RPS6KA6: variants seen among roughly 807,000 people sequenced by gnomAD.
RPS6KA6 encodes ribosomal protein S6 kinase alpha-6.
RPS6KA6 carries 27 observed loss-of-function variants against 65.4 expected under a neutral mutation model. The ratio of observed to expected loss-of-function variants is 0.41; its 90% CI spans 0.30 to 0.57. RPS6KA6 has a LOEUF of 0.57. Among genes scored for constraint, RPS6KA6 ranks in the 20% least tolerant of loss-of-function variants. RPS6KA6 has a pLI of 0.24. For synonymous variants in RPS6KA6, 190 were observed against 184.2 expected (o/e 1.03, Z -0.26); for missense variants, 486 against 555.6 (o/e 0.87, Z 1.26).
intron 21 of RPS6KA6, 95 bp downstream of exon 21, chrX:84,064,876 T>C: frequency 1.6e-6 from 1 of 620,138 alleles, no homozygotes; most frequent in South Asian, 4.4e-5. Context: ...TAAAGATATT[T>C]TAAGGAATTA....
At chrX:84,138,391 G>GA (rs199653951) in intron 6 of RPS6KA6, among the ~76,000 whole-genome samples, 5,428 of 103,602 alleles carry the variant, frequency 0.052, 199 homozygotes, top group East Asian at 0.2. Context: ...CATCTCTACT[G>GA]AAAAAAAAAA....
intron 8 of RPS6KA6, among the ~76,000 whole-genome samples, chrX:84,129,091 C>A (rs1421550862): frequency 9.0e-6 from 1 of 111,036 alleles, no homozygotes; most frequent in African/African-American, 3.3e-5. Context: ...TTGCAAACTG[C>A]CCATCTGACA....
At chrX:84,121,960 T>C (rs1317560567) in intron 8 of RPS6KA6, among the ~76,000 whole-genome samples, 1 of 111,884 alleles carries the variant, frequency 8.9e-6, no homozygotes, top group Non-Finnish European at 1.9e-5. Context: ...AAAAAGAAGC[T>C]ACAGGAGGAA....
Position 84,060,009 on chromosome X carries a change from A to G in RPS6KA6, c.*4268T>C, listed in dbSNP as rs1403332777. 3.6e-5 allele frequency: 4 copies of G among 111,970 alleles called. No homozygotes were observed. The highest frequency in any genetic ancestry group is 9.7e-5 in the African/African-American group (3 of 30,834). The allele number at this position is 111,970 out of a possible 1,213,427, so 9.2% of individuals were successfully genotyped here. A position where few individuals can be genotyped will look rare whatever the true frequency, so the allele number is the denominator to read the frequency against. On this transcript the variant is annotated 3_prime_UTR_variant, in exon 22 of 22. Coordinates refer to ENST00000262752, the MANE Select transcript of RPS6KA6 (RefSeq NM_014496.5). ...GTTCCCTTTTCTCTTATGTATTAGC[A>G]ACCAAACTGAATTTTAGGTGATCAA...
At chrX:84,158,473 C>T (rs984684381) in intron 2 of RPS6KA6, among the ~76,000 whole-genome samples, 1 of 110,575 alleles carries the variant, frequency 9.0e-6, no homozygotes, top group Non-Finnish European at 1.9e-5. Flanking sequence ...AATAAGGAAA[C>T]AGGAGATTCA....
At position 84,061,734 on chromosome X, in the gene RPS6KA6, C is replaced by A. The variant is rs1195370466; in HGVS notation, c.*2543G>T. On this transcript the variant is annotated 3_prime_UTR_variant, in exon 22 of 22. Transcript: ENST00000262752. ...TGCTATCATTAAATACTACCAAAAA[C>A]CATTAACTAGAAAAACACAATGCAA... 1 of 111,651 alleles carries A rather than the reference C, an allele frequency of 9.0e-6. No homozygotes were observed. Among genetic ancestry groups the A allele is most frequent in the Non-Finnish European group, 1.9e-5 (1 of 52,990 alleles). 9.2% of individuals were successfully genotyped at this position (111,651 alleles called of 1,213,427 possible).
rs930623332 is a variant in RPS6KA6 at position 84,063,003 on chromosome X, C to T, written c.*1274G>A. 31 of 110,248 alleles carry T rather than the reference C, an allele frequency of 2.8e-4. No individual in the cohort carries two copies. The highest frequency in any genetic ancestry group is 1.0e-3 in the African/African-American group (31 of 30,411). 9.1% of individuals were successfully genotyped at this position (110,248 alleles called of 1,213,427 possible). ...GTAGCAACGGTATTTTCTTCAACAA[C>T]GTGAAATGATTCTTTAGCATTTCAT... On this transcript the variant is annotated 3_prime_UTR_variant, in exon 22 of 22. Coordinates refer to ENST00000262752, the MANE Select transcript of RPS6KA6 (RefSeq NM_014496.5).
intron 8 of RPS6KA6, among the ~76,000 whole-genome samples, chrX:84,133,492 C>T (rs992911065): frequency 9.0e-6 from 1 of 111,213 alleles, no homozygotes; most frequent in Non-Finnish European, 1.9e-5. Flanking sequence ...CTTCCCTCCT[C>T]AGACAGTTTA....
At chrX:84,158,218 A>G (rs1469862986) in intron 2 of RPS6KA6, among the ~76,000 whole-genome samples, 3 of 110,996 alleles carry the variant, frequency 2.7e-5, no homozygotes, top group African/African-American at 9.8e-5. Context: ...TTTAAAATGA[A>G]GACAGTGCTT....
intron 8 of RPS6KA6, among the ~76,000 whole-genome samples, chrX:84,134,100 T>G (rs1268244472): frequency 8.9e-6 from 1 of 111,888 alleles, no homozygotes; most frequent in Admixed American, 9.5e-5. Flanking sequence ...ATGTAACGTT[T>G]TTAGACTGGC....
chrX:84,067,875 C>T (rs1344448553), intron 20 of RPS6KA6, among the ~76,000 whole-genome samples: 2 of 111,595 alleles, frequency 1.8e-5, no homozygotes, highest in Non-Finnish European at 3.8e-5. Context: ...AGAGAAAGGT[C>T]GGGTTAACCT....
At chrX:84,077,622 C>T (rs1316590353) in intron 20 of RPS6KA6, among the ~76,000 whole-genome samples, 1 of 111,111 alleles carries the variant, frequency 9.0e-6, no homozygotes, top group Admixed American at 9.6e-5. Context: ...AGAACATTGA[C>T]CTAAAGATAA....
At chrX:84,167,517 T>C (rs1368802066) in intron 1 of RPS6KA6, among the ~76,000 whole-genome samples, 1 of 110,689 alleles carries the variant, frequency 9.0e-6, no homozygotes, top group Non-Finnish European at 1.9e-5. Context: ...ATAAAGATAA[T>C]TGGTTCAACG....
chrX:84,155,354 G>A (rs1040655910), intron 3 of RPS6KA6, among the ~76,000 whole-genome samples: 12 of 110,823 alleles, frequency 1.1e-4, no homozygotes, highest in East Asian at 2.8e-4. Context: ...CTTAAATTGC[G>A]GTTTTTCTAA....
At chrX:84,149,542 A>C (rs1041804271) in intron 3 of RPS6KA6, among the ~76,000 whole-genome samples, 4 of 112,109 alleles carry the variant, frequency 3.6e-5, no homozygotes, top group Admixed American at 9.5e-5. Context: ...GCAAGCATGA[A>C]AACAACATTA....
chrX:84,150,813 T>C (rs905289704), intron 3 of RPS6KA6, among the ~76,000 whole-genome samples: 4 of 102,034 alleles, frequency 3.9e-5, no homozygotes, highest in African/African-American at 1.4e-4. Context: ...AGAGGATATA[T>C]ATAGGATATA....
chrX:84,111,741 A>C (rs752955279), intron 12 of RPS6KA6, among the ~76,000 whole-genome samples: 10 of 112,263 alleles, frequency 8.9e-5, no homozygotes, highest in South Asian at 3.6e-4. Context: ...GGCACACATA[A>C]GTAGAAAGCT....
Position 84,059,879 on chromosome X carries a change from T to C in RPS6KA6, c.*4398A>G, listed in dbSNP as rs2033273740. 1 of 112,199 alleles carries C rather than the reference T, an allele frequency of 8.9e-6. No individual in the cohort carries two copies. The highest frequency in any genetic ancestry group is 1.9e-5 in the Non-Finnish European group (1 of 53,239). 9.2% of individuals were successfully genotyped at this position (112,199 alleles called of 1,213,427 possible). A position where few individuals can be genotyped will look rare whatever the true frequency, so the allele number is the denominator to read the frequency against. Reference sequence around the variant, plus strand: ...ATTTAGTGAATAATTGAAACATACATAATTTGCCAATATAATGTAAGCTTG... The same window carrying C: ...ATTTAGTGAATAATTGAAACATACACAATTTGCCAATATAATGTAAGCTTG... On this transcript the variant is annotated 3_prime_UTR_variant, in exon 22 of 22. Transcript: ENST00000262752.
chrX:84,176,929 C>G (rs765995566), intron 1 of RPS6KA6, among the ~76,000 whole-genome samples: 4 of 111,609 alleles, frequency 3.6e-5, no homozygotes, highest in Non-Finnish European at 7.5e-5. Flanking sequence ...GGGTTTTTTT[C>G]CATTAATAAA....
Sources: gnomAD v4.1 joint callset for allele counts (sites outside exome capture counted in the v4.1 genomes callset) on GRCh38, gnomAD v4.1.1 for gene constraint, MANE v1.5 for transcripts, NCBI Gene and HGNC (gene_info 2026-07-23, HGNC 2026-07-21) for gene names.